Variants in IARS2 observed in about 807,000 individuals in gnomAD.
IARS2 encodes isoleucyl-tRNA synthetase 2, mitochondrial, also known as isoleucine--tRNA ligase, mitochondrial.
In IARS2, 56 loss-of-function variants were observed where a neutral mutation model predicts 126.3. The observed-to-expected ratio is 0.44, with a 90% CI of 0.36 to 0.55. IARS2 has a LOEUF of 0.55. Ranked by LOEUF, IARS2 falls within the 20% of genes least tolerant of loss-of-function variation. The pLI is 0.00. For missense variants in IARS2, 1,127 were observed against 1,245.9 expected, an observed-to-expected ratio of 0.90 and a Z score of 1.44; for synonymous variants, 407 against 441.1, an observed-to-expected ratio of 0.92 and a Z score of 0.97.
rs192073280 is a variant in IARS2 at position 220,143,922 on chromosome 1, C to G, written c.2751+788C>G. On this transcript the variant is annotated intron_variant, in intron 21 of 22. Transcript: ENST00000366922. ...GGCAATGAATATAATTTTTTTTCCA[C>G]GGGGCATTTTATTTGTAAATATATG... is the stretch of plus-strand genomic sequence containing the variant. 2.7e-4 allele frequency: 268 copies of G among 983,000 alleles called. 3 individuals carry two copies. In the African/African-American group the frequency reaches 4.0e-3, roughly 15 times the overall value. The allele number at this position is 983,000 out of a possible 1,614,324, so 60.9% of individuals were successfully genotyped here.
chr1:220,132,166 C>T (rs1657283932), intron 14 of IARS2, among the ~76,000 whole-genome samples: 1 of 152,002 alleles, frequency 6.6e-6, no homozygotes, highest in African/African-American at 2.4e-5. Context: ...TGTGTCTTTG[C>T]CTGGTTTTGG....
chr1:220,144,303 A>G lies in IARS2; in HGVS notation c.2751+1169A>G, dbSNP rs931144438. 5 of 757,218 alleles carry G rather than the reference A, an allele frequency of 6.6e-6. No homozygotes were observed. In the African/African-American group the frequency reaches 8.5e-5, roughly 13 times the overall value. 46.9% of individuals were successfully genotyped at this position (757,218 alleles called of 1,614,324 possible). ...CCTGGCTTTTGCCTCTCTTTTTGGC[A>G]TTGTTGATGCTCTTGAGAGCATCAG... On this transcript the variant is annotated intron_variant, in intron 21 of 22. Transcript: ENST00000366922.
intron 12 of IARS2, chr1:220,118,068 G>T: frequency 2.3e-6 from 1 of 433,678 alleles, no homozygotes; most frequent in South Asian, 1.8e-5. Flanking sequence ...AAAACAGGCT[G>T]AAAATCTTTT....
At chr1:220,097,365 C>CTTTTTTTT (rs34660784) in intron 2 of IARS2, among the ~76,000 whole-genome samples, 2 of 134,510 alleles carry the variant, frequency 1.5e-5, no homozygotes, top group African/African-American at 2.8e-5. Flanking sequence ...GTTCTTTTTT[C>CTTTTTTTT]TTTTTTTTTT....
chr1:220,141,614 T>G (rs1234454316), intron 19 of IARS2, among the ~76,000 whole-genome samples, 189 bp from the exon 20 acceptor site: 1 of 152,146 alleles, frequency 6.6e-6, no homozygotes, highest in Non-Finnish European at 1.5e-5. Context: ...TAGCCATGAG[T>G]GCTTTCAAGG....
chr1:220,094,188 A>C lies in IARS2; in HGVS notation c.-29A>C, dbSNP rs372855672. ...CCCCTTCAAGCTGGGGCGGGAGCGGAGGACCCCGCTCTCAGGGGTTGCCGG... is the reference window on the plus strand; with the variant it reads ...CCCCTTCAAGCTGGGGCGGGAGCGGCGGACCCCGCTCTCAGGGGTTGCCGG... On this transcript the variant is annotated 5_prime_UTR_variant, in exon 1 of 23. Transcript: ENST00000366922. 162 of 1,518,716 alleles carry C rather than the reference A, an allele frequency of 1.1e-4. No individual in the cohort carries two copies. In the African/African-American group the frequency reaches 2.1e-3, roughly 20 times the overall value. The allele number at this position is 1,518,716 out of a possible 1,614,324, so 94.1% of individuals were successfully genotyped here.
At position 220,110,789 on chromosome 1, in the gene IARS2, TA is replaced by T; in HGVS notation, c.1334del (p.Lys445ArgfsTer10). On this transcript the variant is annotated frameshift_variant, in exon 11 of 23. Coordinates refer to ENST00000366922, the MANE Select transcript of IARS2 (RefSeq NM_018060.4). LOFTEE classifies it high-confidence loss of function. ...AVLEEGTDVV[I>X]KMLQTAKNLL... ...TTTGGTGTTTTTTTTTTTAAAGTTA[TA>T]AAGATGCTTCAGACTGCAAAGAATT... The T allele has an allele frequency of 6.3e-7, 1 of 1,590,790 alleles. No homozygotes were observed. Among genetic ancestry groups the T allele is most frequent in the African/African-American group, 1.4e-5 (1 of 73,726 alleles).
chr1:220,142,052 G>A, intron 20 of IARS2, 104 bp downstream of exon 20: 1 of 1,075,646 alleles, frequency 9.3e-7, no homozygotes, highest in Non-Finnish European at 1.4e-6. Flanking sequence ...CATTTACAGT[G>A]ACTGCTGTGT....
intron 15 of IARS2, among the ~76,000 whole-genome samples, chr1:220,135,412 G>A (rs1016411206): frequency 1.1e-4 from 17 of 151,930 alleles, no homozygotes; most frequent in Non-Finnish European, 1.5e-5. Context: ...CTAGGCTGGA[G>A]TGCAGTGGTG....
rs569242520 is a variant in IARS2, at chr1:220,140,801, A to G, written c.2414+512A>G. On this transcript the variant is annotated intron_variant, in intron 19 of 22. Coordinates refer to ENST00000366922, the MANE Select transcript of IARS2 (RefSeq NM_018060.4). ...AGATCGAGACCATCCTGGCTAACAC[A>G]GTGAAACCCCGTCTCTACTAAAAAT... 4.2e-3 allele frequency among the ~76,000 whole-genome samples: 642 copies of G among 151,996 alleles called. 6 individuals carry two copies. The highest frequency in any genetic ancestry group is 0.014 in the African/African-American group (596 of 41,474).
Position 220,147,632 on chromosome 1 carries a change from ATAG to A in IARS2, c.3039_*2del. 6 of 1,614,080 alleles carry A rather than the reference ATAG, an allele frequency of 3.7e-6. No individual in the cohort carries two copies. Among genetic ancestry groups the A allele is most frequent in the Non-Finnish European group, 5.1e-6 (6 of 1,179,994 alleles). On this transcript the variant is annotated stop_lost and inframe_deletion, in exon 23 of 23. Coordinates refer to ENST00000366922, the MANE Select transcript of IARS2 (RefSeq NM_018060.4). Reference sequence around the variant, plus strand: ...GATGTGCAGAAGTTGTCAGTGGAAAATAGTATTAACAGCTCACTCGAGCAAGAA... The same window carrying A: ...GATGTGCAGAAGTTGTCAGTGGAAAATATTAACAGCTCACTCGAGCAAGAA...
intron 10 of IARS2, among the ~76,000 whole-genome samples, chr1:220,110,538 G>A (rs948961736): frequency 3.9e-5 from 6 of 152,020 alleles, no homozygotes; most frequent in African/African-American, 1.2e-4. Flanking sequence ...GCTGATTTTT[G>A]CATTTTTAGT....
intron 22 of IARS2, 56 bp downstream of exon 22, chr1:220,145,709 C>T: frequency 1.4e-6 from 2 of 1,433,802 alleles, no homozygotes; most frequent in Non-Finnish European, 1.9e-6. Flanking sequence ...AATTATAGGT[C>T]ATCTCCAACT....
At chr1:220,119,380 A>C (rs1023339394) in intron 12 of IARS2, among the ~76,000 whole-genome samples, 1 of 152,100 alleles carries the variant, frequency 6.6e-6, no homozygotes, top group Non-Finnish European at 1.5e-5. Flanking sequence ...ACCCACTTTT[A>C]TCAGCAGTCG....
chr1:220,122,391 C>T (rs1571855660), intron 12 of IARS2, among the ~76,000 whole-genome samples: 1 of 152,194 alleles, frequency 6.6e-6, no homozygotes. Context: ...GTAGTCTTCA[C>T]TCTATGCCTG....
intron 22 of IARS2, among the ~76,000 whole-genome samples, chr1:220,146,660 G>A (rs1388420784): frequency 1.3e-5 from 2 of 151,922 alleles, no homozygotes. Flanking sequence ...TAAAAGTTCT[G>A]GCTTAATTTA....
At position 220,106,920 on chromosome 1, in the gene IARS2, C is replaced by T. The variant is rs557812896; in HGVS notation, c.1237-141C>T. 34 of 625,968 alleles carry T rather than the reference C, an allele frequency of 5.4e-5. No individual in the cohort carries two copies. The East Asian group carries it at 7.2e-4, about 13-fold the overall frequency. The allele number at this position is 625,968 out of a possible 1,614,324, so 38.8% of individuals were successfully genotyped here. A position where few individuals can be genotyped will look rare whatever the true frequency, so the allele number is the denominator to read the frequency against. ...GTGCTGGGATTATAGGCCTGAGTGC[C>T]GCGCCCGGCCAAGTACCTAGAATTT... On this transcript the variant is annotated intron_variant, in intron 9 of 22. Transcript: ENST00000366922.
At chr1:220,137,704 A>AACAAGATTGCAGC (rs1259819709) in intron 16 of IARS2, 2 of 519,990 alleles carry the variant, frequency 3.8e-6, no homozygotes. Flanking sequence ...TTGTGCATTG[A>AACAAGATTGCAGC]ACAAGATTGC....
intron 14 of IARS2, 133 bp downstream of exon 14, chr1:220,126,976 A>G: frequency 4.9e-6 from 3 of 615,380 alleles, no homozygotes; most frequent in Non-Finnish European, 8.4e-6. Context: ...TTAGACCTCG[A>G]AAGACCCTTA....
Sources: allele counts gnomAD v4.1 joint callset (sites outside exome capture counted in the v4.1 genomes callset), GRCh38; gene constraint gnomAD v4.1.1; transcripts MANE v1.5; gene names NCBI Gene and HGNC (gene_info 2026-07-23, HGNC 2026-07-21).